Variants in GIPC1 observed in about 807,000 individuals in gnomAD.
GIPC1 encodes the protein PDZ domain-containing protein GIPC1.
GIPC1 carries 15 observed loss-of-function variants against 28.5 expected under a neutral mutation model. That is an observed-to-expected ratio of 0.53 (90% CI 0.35 to 0.81). The LOEUF is 0.81. Among genes scored for constraint, GIPC1 ranks in the 30% least tolerant of loss-of-function variants. The probability of loss-of-function intolerance (pLI) is 0.01; values close to 1 mark genes in which losing one functional copy is unlikely to be tolerated. For synonymous variants in GIPC1, 224 were observed against 206.1 expected (o/e 1.09, Z -0.74); for missense variants, 439 against 481.9 (o/e 0.91, Z 0.83).
At position 14,496,084 on chromosome 19, in the gene GIPC1, C is replaced by T; in HGVS notation, c.-222G>A. 4.2e-6 allele frequency: 1 copy of T among 237,078 alleles called. No individual in the cohort carries two copies. The highest frequency in any genetic ancestry group is 8.2e-5 in the South Asian group (1 of 12,122). The allele number at this position is 237,078 out of a possible 1,614,324, so 14.7% of individuals were successfully genotyped here. The stretch of plus-strand genomic sequence containing the variant: ...GCCGCCGCCGCCGCCGCTGCCTCCG[C>T]CTCCCCGTGCGCACCCGGCTCGGCC... On this transcript the variant is annotated 5_prime_UTR_variant, in exon 1 of 9. Transcript: ENST00000393033.
At chr19:14,480,140 C>G (rs1417896743) in intron 6 of GIPC1, 165 bp downstream of exon 6, 1 of 633,548 alleles carries the variant, frequency 1.6e-6, no homozygotes, top group Non-Finnish European at 2.8e-6. Context: ...GGCCAAGGGC[C>G]AGCACCCCGT....
intron 3 of GIPC1, among the ~76,000 whole-genome samples, chr19:14,485,722 G>GAC (rs1568365206): frequency 1.5e-5 from 2 of 134,244 alleles, no homozygotes; most frequent in African/African-American, 5.4e-5. Context: ...GAGAGAGAGA[G>GAC]AGAGAGAGAG....
At position 14,481,008 on chromosome 19, in the gene GIPC1, T is replaced by C. The variant is rs1599348752; in HGVS notation, c.289-230A>G. 6.0e-6 allele frequency: 3 copies of C among 499,888 alleles called. No homozygotes were observed. The East Asian group carries it at 1.0e-4, about 17-fold the overall frequency. The allele number at this position is 499,888 out of a possible 1,614,324, so 31.0% of individuals were successfully genotyped here. A position where few individuals can be genotyped will look rare whatever the true frequency, so the allele number is the denominator to read the frequency against. Reference sequence around the variant, plus strand: ...CTTTTTGAGACAGGGTCTTGCTCTGTCACCCAGGCTGGAGTGCAGTGGTGC... The same window carrying C: ...CTTTTTGAGACAGGGTCTTGCTCTGCCACCCAGGCTGGAGTGCAGTGGTGC... On this transcript the variant is annotated intron_variant, in intron 4 of 8. Coordinates refer to ENST00000393033, the MANE Select transcript of GIPC1 (RefSeq NM_005716.4).
intron 3 of GIPC1, among the ~76,000 whole-genome samples, chr19:14,488,973 T>C (rs930810645): frequency 1.3e-5 from 2 of 151,766 alleles, no homozygotes; most frequent in Non-Finnish European, 2.9e-5. Flanking sequence ...TCGTCCAGGC[T>C]GCAGTGGAGT....
intron 6 of GIPC1, 96 bp downstream of exon 6, chr19:14,480,209 G>C: frequency 1.9e-6 from 2 of 1,068,400 alleles, no homozygotes; most frequent in Non-Finnish European, 2.8e-6. Context: ...CTTTCGGCAG[G>C]CCAGGCTTGG....
chr19:14,493,645 ATTTG>A (rs1217623999), intron 1 of GIPC1, among the ~76,000 whole-genome samples: 1 of 151,124 alleles, frequency 6.6e-6, no homozygotes, highest in Non-Finnish European at 1.5e-5. Context: ...TTTATTTTGT[ATTTG>A]TTTATTTTTA....
intron 4 of GIPC1, chr19:14,481,012 C>G: frequency 2.0e-6 from 1 of 494,766 alleles, no homozygotes; most frequent in Non-Finnish European, 3.6e-6. Context: ...GCTCTGTCAC[C>G]CAGGCTGGAG....
chr19:14,481,091 T>C (rs1405649939), intron 4 of GIPC1, among the ~76,000 whole-genome samples: 1 of 152,182 alleles, frequency 6.6e-6, no homozygotes, highest in Non-Finnish European at 1.5e-5. Context: ...CACCTCAGCC[T>C]CCCAAGTAGC....
At chr19:14,480,819 C>A (rs2071713860) in intron 4 of GIPC1, 41 bp from the exon 5 acceptor site, 1 of 1,441,358 alleles carries the variant, frequency 6.9e-7, no homozygotes, top group African/African-American at 1.4e-5. Flanking sequence ...CCCCCTCCCT[C>A]CCCCTTTTCT....
chr19:14,484,612 G>A (rs531227348), intron 3 of GIPC1, among the ~76,000 whole-genome samples: 1 of 151,930 alleles, frequency 6.6e-6, no homozygotes, highest in East Asian at 2.0e-4. Flanking sequence ...CGGGTGTGGT[G>A]GCATGTGCCT....
In GIPC1 at chr19:14,478,348, T is replaced by A. The variant is rs117718148; in HGVS notation, c.*68A>T. 28,577 of 1,465,330 alleles carry A rather than the reference T, an allele frequency of 0.02. 465 individuals are homozygous for A. The highest frequency in any genetic ancestry group is 0.075 in the East Asian group (3,069 of 40,720). 90.8% of individuals were successfully genotyped at this position (1,465,330 alleles called of 1,614,324 possible). On this transcript the variant is annotated 3_prime_UTR_variant, in exon 9 of 9. Coordinates refer to ENST00000393033, the MANE Select transcript of GIPC1 (RefSeq NM_005716.4). The surrounding 1 kb of genome is among the most constrained non-coding windows in gnomAD (Gnocchi z 5.2). ...CAGGCTGGAGGCTCGGGTCCTGACG[T>A]CAGTGTCCCTGCTGGGGGCCCCCAC...
chr19:14,492,022 C>G (rs1007561459), intron 2 of GIPC1, among the ~76,000 whole-genome samples: 1 of 151,788 alleles, frequency 6.6e-6, no homozygotes, highest in Admixed American at 6.6e-5. Context: ...GAGCCAAGAT[C>G]GTGCCACTGC....
Position 14,496,041 on chromosome 19 carries a change from T to TCCTCCGCCGCCGCCGCCGCCGCCGCCG in GIPC1, c.-180_-179insCGGCGGCGGCGGCGGCGGCGGCGGAGG, listed in dbSNP as rs1555723645. On this transcript the variant is annotated 5_prime_UTR_variant, in exon 1 of 9. Coordinates refer to ENST00000393033, the MANE Select transcript of GIPC1 (RefSeq NM_005716.4). ...CTTCTCGCAGAGGCCACTCACCTGC[T>TCCTCCGCCGCCGCCGCCGCCGCCGCCG]CCGCCGCCGCCGCCGCCGCCGCCGC... 1 of 221,694 alleles carries TCCTCCGCCGCCGCCGCCGCCGCCGCCG rather than the reference T, an allele frequency of 4.5e-6. No individual in the cohort carries two copies. Among genetic ancestry groups the TCCTCCGCCGCCGCCGCCGCCGCCGCCG allele is most frequent in the African/African-American group, 2.5e-5 (1 of 40,090 alleles). The allele number at this position is 221,694 out of a possible 1,614,324, so 13.7% of individuals were successfully genotyped here.
intron 3 of GIPC1, among the ~76,000 whole-genome samples, chr19:14,484,488 G>C (rs2071795580): frequency 6.6e-6 from 1 of 151,356 alleles, no homozygotes; most frequent in South Asian, 2.1e-4. Flanking sequence ...GCTCATGCCT[G>C]TAATCCCAGC....
At chr19:14,495,224 C>T (rs952552506) in intron 1 of GIPC1, among the ~76,000 whole-genome samples, 1 of 151,366 alleles carries the variant, frequency 6.6e-6, no homozygotes, top group Non-Finnish European at 1.5e-5. Context: ...CCCTCTCCAG[C>T]TCTGGGGAGA....
In GIPC1 at chr19:14,480,320, G is replaced by A. The variant is rs1311846207; in HGVS notation, c.640C>T (p.Pro214Ser). The A allele has an allele frequency of 1.9e-6, 3 of 1,611,004 alleles. No individual in the cohort carries two copies. The highest frequency in any genetic ancestry group is 2.5e-6 in the Non-Finnish European group (3 of 1,179,730). ...GRTFTLKLTE[P>S]RKAFDMISQR... ...GGCTCCTCACCGAAGGCCTTGCGAG[G>A]CTCCGTGAGCTTCAGCGTGAAGGTA... The change falls in exon 6 of 9, where the codon CCT becomes TCT. Residue 214 changes from proline (P) to serine (S), a missense_variant. Pro to Ser is a moderately conservative substitution (Grantham distance 74, BLOSUM62 -1). Coordinates refer to ENST00000393033, the MANE Select transcript of GIPC1 (RefSeq NM_005716.4).
At chr19:14,482,229 T>C (rs1355297027) in intron 4 of GIPC1, 1 of 194,078 alleles carries the variant, frequency 5.2e-6, no homozygotes, top group Non-Finnish European at 1.1e-5. Flanking sequence ...TCGACTGGGA[T>C]GCAGGCCTCT....
At position 14,487,438 on chromosome 19, in the gene GIPC1, G is replaced by A. The variant is rs556074815; in HGVS notation, c.-31+4218C>T. Reference sequence around the variant, plus strand: ...TTTAGTAGAGACGGAGTTTCACTACGTTGGCCAGGCTGGTCTCGAACTCCT... The same window carrying A: ...TTTAGTAGAGACGGAGTTTCACTACATTGGCCAGGCTGGTCTCGAACTCCT... On this transcript the variant is annotated intron_variant, in intron 3 of 8. Transcript: ENST00000393033. Among the ~76,000 whole-genome samples, 108 of 150,124 alleles carry A rather than the reference G, an allele frequency of 7.2e-4. 3 individuals carry two copies. The South Asian group carries it at 0.022, about 30-fold the overall frequency.
chr19:14,482,610 C>A, intron 4 of GIPC1, 79 bp downstream of exon 4: 1 of 1,385,700 alleles, frequency 7.2e-7, no homozygotes, highest in East Asian at 2.4e-5. Flanking sequence ...GCATCTGAGC[C>A]CCAGCTCATG....
Sources: gnomAD v4.1 joint callset for allele counts (sites outside exome capture counted in the v4.1 genomes callset) on GRCh38, gnomAD v4.1.1 for gene constraint, Gnocchi (gnomAD v3.1) non-coding constraint, MANE v1.5 for transcripts, NCBI Gene and HGNC (gene_info 2026-07-23, HGNC 2026-07-21) for gene names.